SLC25A26: variants seen among roughly 807,000 people sequenced by gnomAD.
SLC25A26 encodes mitochondrial S-adenosylmethionine carrier protein.
In SLC25A26, 36 loss-of-function variants were observed where a neutral mutation model predicts 37.8. The observed-to-expected ratio is 0.95, with a 90% confidence interval of 0.73 to 1.26. The LOEUF (loss-of-function observed/expected upper bound fraction) is 1.26. Ranked by LOEUF, SLC25A26 falls within the 50% of genes most tolerant of loss-of-function variation. The pLI is 0.00. For synonymous variants in SLC25A26, 129 were observed against 122.5 expected, an observed-to-expected ratio of 1.05 and a Z score of -0.35; for missense variants, 390 against 331.1, an observed-to-expected ratio of 1.18 and a Z score of -1.38.
intron 5 of SLC25A26, among the ~76,000 whole-genome samples, chr3:66,279,827 G>C (rs780785155): frequency 2.6e-5 from 4 of 152,166 alleles, no homozygotes; most frequent in South Asian, 2.1e-4. Flanking sequence ...TCCACGTATT[G>C]TAAGTCTTTC....
intron 5 of SLC25A26, among the ~76,000 whole-genome samples, chr3:66,283,884 A>T (rs1377614789): frequency 6.6e-6 from 1 of 152,178 alleles, no homozygotes; most frequent in African/African-American, 2.4e-5. Context: ...CATTTACTTT[A>T]ATCTCCATTT....
chr3:66,315,210 A>T (rs2075502756), intron 5 of SLC25A26, among the ~76,000 whole-genome samples: 1 of 150,012 alleles, frequency 6.7e-6, no homozygotes, highest in African/African-American at 2.5e-5. Context: ...TTTAGTTGTG[A>T]TGTTAGGCTG....
At chr3:66,224,976 T>G (rs1559588523) in intron 1 of SLC25A26, among the ~76,000 whole-genome samples, 1 of 152,192 alleles carries the variant, frequency 6.6e-6, no homozygotes, top group Non-Finnish European at 1.5e-5. Context: ...AGAGGTGGGT[T>G]CCCATGGTGG....
chr3:66,257,449 G>GC lies in SLC25A26; in HGVS notation c.301-4600dup, dbSNP rs2073348407. On this transcript the variant is annotated intron_variant, in intron 3 of 9. Coordinates refer to ENST00000354883, the MANE Select transcript of SLC25A26 (RefSeq NM_001379210.1). Reference sequence around the variant, plus strand: ...CACAGTCTAGGGCCGCAGACCCTCAGCCAGACCACTGCTCATTCCTCCCTG... The same window carrying GC: ...CACAGTCTAGGGCCGCAGACCCTCAGCCCAGACCACTGCTCATTCCTCCCTG... Among the ~76,000 whole-genome samples, 8 of 152,250 alleles carry GC rather than the reference G, an allele frequency of 5.3e-5. No homozygotes were observed. In the South Asian group the frequency reaches 1.7e-3, roughly 32 times the overall value.
chr3:66,346,713 T>C (rs2076332111), intron 6 of SLC25A26, among the ~76,000 whole-genome samples: 1 of 122,316 alleles, frequency 8.2e-6, no homozygotes, highest in African/African-American at 3.6e-5. Context: ...TTTTGCTGTG[T>C]GCGTGTGTGT....
At chr3:66,320,410 T>A (rs1169775187) in intron 5 of SLC25A26, among the ~76,000 whole-genome samples, 2 of 152,338 alleles carry the variant, frequency 1.3e-5, no homozygotes, top group East Asian at 3.9e-4. Flanking sequence ...TTTTAATGTT[T>A]ATCCATGTTG....
chr3:66,349,162 A>C (rs1393014398), intron 6 of SLC25A26, among the ~76,000 whole-genome samples: 3 of 152,246 alleles, frequency 2.0e-5, no homozygotes, highest in Non-Finnish European at 4.4e-5. Context: ...TTTCAGAGTA[A>C]TCATAGATGA....
At position 66,208,870 on chromosome 3, in the gene SLC25A26, G is replaced by GTGTATATA. The variant is rs1364331517; in HGVS notation, c.-353-11871_-353-11870insGTATATAT. 9.1e-3 allele frequency among the ~76,000 whole-genome samples: 511 copies of GTGTATATA among 55,898 alleles called. 19 individuals are homozygous for GTGTATATA. Among genetic ancestry groups the GTGTATATA allele is most frequent in the Non-Finnish European group, 0.018 (402 of 22,766 alleles). 36.7% of individuals were successfully genotyped at this position (55,898 alleles called of 152,430 possible). A position where few individuals can be genotyped will look rare whatever the true frequency, so the allele number is the denominator to read the frequency against. On this transcript the variant is annotated intron_variant, in intron 1 of 10. Coordinates refer to the SLC25A26 transcript ENST00000676754. ...TATATATACCTTTATATGGGTGTGTGTATATATATATATATACACCTTTAT... is the reference window on the plus strand; with the variant it reads ...TATATATACCTTTATATGGGTGTGTGTGTATATATATATATATATATATACACCTTTAT...
chr3:66,193,515 A>G (rs2070984688), intron 1 of SLC25A26, among the ~76,000 whole-genome samples: 1 of 152,216 alleles, frequency 6.6e-6, no homozygotes, highest in Non-Finnish European at 1.5e-5. Flanking sequence ...AAATCAGTTC[A>G]GATAACTAAC....
At chr3:66,371,285 G>A (rs1219113000) in intron 9 of SLC25A26, 16 of 1,549,696 alleles carry the variant, frequency 1.0e-5, no homozygotes, top group East Asian at 2.4e-5. Flanking sequence ...CCTGGACTTC[G>A]GGCGTCTCAG....
chr3:66,307,191 G>A (rs541869928), intron 5 of SLC25A26, among the ~76,000 whole-genome samples: 6 of 152,156 alleles, frequency 3.9e-5, no homozygotes, highest in South Asian at 2.1e-4. Flanking sequence ...TTTAATGATC[G>A]TCATTGTAAC....
chr3:66,180,616 G>A (rs1234005919), intron 1 of SLC25A26, among the ~76,000 whole-genome samples: 2 of 152,082 alleles, frequency 1.3e-5, no homozygotes, highest in Non-Finnish European at 2.9e-5. Flanking sequence ...CATTATGGGA[G>A]AGCAAGTTAT....
chr3:66,344,324 G>A (rs536994843), intron 5 of SLC25A26, among the ~76,000 whole-genome samples: 121 of 152,208 alleles, frequency 7.9e-4, no homozygotes, highest in Middle Eastern at 3.4e-3. Flanking sequence ...TTAGCCAGGC[G>A]TGGTGGCACA....
chr3:66,318,945 C>T (rs2107633836), intron 5 of SLC25A26, among the ~76,000 whole-genome samples: 1 of 152,296 alleles, frequency 6.6e-6, no homozygotes, highest in Admixed American at 6.5e-5. Context: ...CCACCACACC[C>T]AGCCTCAAAG....
At chr3:66,361,865 G>A (rs894479669) in intron 6 of SLC25A26, among the ~76,000 whole-genome samples, 5 of 152,114 alleles carry the variant, frequency 3.3e-5, no homozygotes, top group Non-Finnish European at 5.9e-5. Context: ...TACTCAGGAG[G>A]CTGAGGCAGG....
At chr3:66,331,168 G>A (rs1304786075) in intron 5 of SLC25A26, among the ~76,000 whole-genome samples, 4 of 151,928 alleles carry the variant, frequency 2.6e-5, no homozygotes, top group Admixed American at 2.6e-4. Flanking sequence ...GTAATTGTAT[G>A]AGAGTAAGAA....
chr3:66,184,098 C>A (rs555189848), intron 1 of SLC25A26, among the ~76,000 whole-genome samples: 1 of 152,114 alleles, frequency 6.6e-6, no homozygotes, highest in East Asian at 1.9e-4. Flanking sequence ...TGCTCCACAC[C>A]CTCCCCGTGA....
chr3:66,197,867 C>T (rs1202820142), intron 1 of SLC25A26, among the ~76,000 whole-genome samples: 3 of 152,094 alleles, frequency 2.0e-5, no homozygotes, highest in East Asian at 3.9e-4. Context: ...GGGAGAAAAT[C>T]AGGGTTAGAT....
At chr3:66,214,483 C>T (rs1415842064) in intron 1 of SLC25A26, among the ~76,000 whole-genome samples, 3 of 152,164 alleles carry the variant, frequency 2.0e-5, no homozygotes, top group African/African-American at 7.2e-5. Context: ...GTTGCTCCAA[C>T]TCTCCCTCTA....
Sources: allele counts gnomAD v4.1 joint callset (sites outside exome capture counted in the v4.1 genomes callset), GRCh38; gene constraint gnomAD v4.1.1; transcripts MANE v1.5; gene names NCBI Gene and HGNC (gene_info 2026-07-23, HGNC 2026-07-21).